PCNX2: variants seen among roughly 807,000 people sequenced by gnomAD.
PCNX2 encodes the protein pecanex-like protein 2.
Under a neutral mutation model 223.8 loss-of-function variants are expected in PCNX2, and 168 were observed. The observed-to-expected ratio is 0.75, with a 90% CI of 0.66 to 0.85. The LOEUF (loss-of-function observed/expected upper bound fraction) is 0.85. Ranked by LOEUF, PCNX2 falls within the 40% of genes least tolerant of loss-of-function variation. PCNX2 has a pLI of 0.00. For synonymous variants in PCNX2, 1,006 were observed against 1,052.6 expected (o/e 0.96, Z 0.86); for missense variants, 2,507 against 2,675.5 (o/e 0.94, Z 1.39).
At chr1:233,096,401 T>C (rs1674168265) in intron 21 of PCNX2, among the ~76,000 whole-genome samples, 1 of 152,122 alleles carries the variant, frequency 6.6e-6, no homozygotes, top group African/African-American at 2.4e-5. Context: ...TGGGAAGATA[T>C]GGAAAATACA....
rs921820280 is a variant in PCNX2 at position 232,991,748 on chromosome 1, C to A, written c.5792-5208G>T. Among the ~76,000 whole-genome samples, 1 of 152,124 alleles carries A rather than the reference C, an allele frequency of 6.6e-6. No homozygotes were observed. Among genetic ancestry groups the A allele is most frequent in the Non-Finnish European group, 1.5e-5 (1 of 68,020 alleles). On this transcript the variant is annotated intron_variant, in intron 32 of 33. Coordinates refer to ENST00000258229, the MANE Select transcript of PCNX2 (RefSeq NM_014801.4). The surrounding 1 kb of genome is among the most constrained non-coding windows in gnomAD (Gnocchi z 4.3). The stretch of plus-strand genomic sequence containing the variant: ...GATGCCTAAGATGGCCGGTGAACCA[C>A]CACAAGCTAGGGAAGGGTCCTGGAC...
chr1:233,278,598 T>C (rs1661029494), intron 1 of PCNX2, among the ~76,000 whole-genome samples: 1 of 152,156 alleles, frequency 6.6e-6, no homozygotes, highest in Non-Finnish European at 1.5e-5. Flanking sequence ...AGTGGAGATT[T>C]CTAGAAAGGT....
At chr1:233,234,989 A>T (rs1233127295) in intron 9 of PCNX2, among the ~76,000 whole-genome samples, 1 of 151,824 alleles carries the variant, frequency 6.6e-6, no homozygotes, top group African/African-American at 2.4e-5. Context: ...TCCGGTGGTC[A>T]GTGAGTGGCA....
At chr1:233,027,281 G>C (rs542034378) in intron 25 of PCNX2, among the ~76,000 whole-genome samples, 61 of 152,278 alleles carry the variant, frequency 4.0e-4, no homozygotes, top group Non-Finnish European at 2.2e-4. Context: ...GGAATGGTGG[G>C]GGAGGGGTAG....
chr1:233,269,717 T>C (rs529171635), intron 1 of PCNX2, among the ~76,000 whole-genome samples: 1 of 152,340 alleles, frequency 6.6e-6, no homozygotes, highest in East Asian at 1.9e-4. Context: ...AAATGAAGCA[T>C]TAATCTGCCA....
intron 25 of PCNX2, among the ~76,000 whole-genome samples, chr1:233,038,716 A>G (rs1671542212): frequency 6.6e-6 from 1 of 152,218 alleles, no homozygotes; most frequent in African/African-American, 2.4e-5. Context: ...AAAATTCTAG[A>G]TAACTCCAAG....
chr1:233,315,679 C>T, the PCNX2 span, among the ~76,000 whole-genome samples: 1 of 152,018 alleles, frequency 6.6e-6, no homozygotes. Context: ...AGTAAATTTG[C>T]GCAGGGAAAG....
At chr1:233,031,958 G>A in intron 25 of PCNX2, 1 of 985,264 alleles carries the variant, frequency 1.0e-6, no homozygotes, top group Middle Eastern at 5.2e-4. Context: ...GGGACCCTTG[G>A]ATTGCAAACC....
At chr1:233,103,433 T>A (rs968303337) in intron 21 of PCNX2, among the ~76,000 whole-genome samples, 1 of 152,150 alleles carries the variant, frequency 6.6e-6, no homozygotes, top group East Asian at 1.9e-4. Context: ...AATGTGCCCT[T>A]AATACCCCCA....
intron 13 of PCNX2, among the ~76,000 whole-genome samples, chr1:233,208,173 G>A (rs1681594002): frequency 2.0e-5 from 3 of 152,106 alleles, no homozygotes. Flanking sequence ...TGGCCAGGCT[G>A]GTCTTGAAAT....
At chr1:232,987,894 C>A (rs1478047407) in intron 32 of PCNX2, among the ~76,000 whole-genome samples, 1 of 152,182 alleles carries the variant, frequency 6.6e-6, no homozygotes, top group African/African-American at 2.4e-5. Context: ...CTTTCTCCTG[C>A]CCGTGTGTTG....
intron 7 of PCNX2, among the ~76,000 whole-genome samples, chr1:233,251,915 G>A (rs752552561): frequency 6.6e-6 from 1 of 152,256 alleles, no homozygotes; most frequent in Non-Finnish European, 1.5e-5. Flanking sequence ...AAGGTCAGGT[G>A]TGCAACACAG....
the PCNX2 span, among the ~76,000 whole-genome samples, chr1:233,306,917 A>C: frequency 2.6e-5 from 4 of 152,194 alleles, no homozygotes; most frequent in Non-Finnish European, 5.9e-5. Flanking sequence ...CTGTGTATAT[A>C]TGTTTCATGC....
At position 233,131,942 on chromosome 1, in the gene PCNX2, C is replaced by CTT. The variant is rs11387690; in HGVS notation, c.3837+3069_3837+3070dup. On this transcript the variant is annotated intron_variant, in intron 21 of 33. Transcript: ENST00000258229. ...AGCTTTTGTGGATTTCGTTTTAGAT[C>CTT]TTTTTTTTTTTTGAGATGGAGTCTC... Among the ~76,000 whole-genome samples, 131 of 146,994 alleles carry CTT rather than the reference C, an allele frequency of 8.9e-4. 1 individual carries two copies. Among genetic ancestry groups the CTT allele is most frequent in the Middle Eastern group, 3.5e-3 (1 of 288 alleles).
At chr1:233,084,954 A>C (rs1673527688) in intron 23 of PCNX2, among the ~76,000 whole-genome samples, 1 of 152,232 alleles carries the variant, frequency 6.6e-6, no homozygotes, top group African/African-American at 2.4e-5. Context: ...TCAGTCTAGC[A>C]GTGAGTGTTC....
chr1:233,312,914 G>T, the PCNX2 span, among the ~76,000 whole-genome samples: 1 of 149,790 alleles, frequency 6.7e-6, no homozygotes, highest in African/African-American at 2.5e-5. Context: ...AAATGTAACC[G>T]AAAGAAAAAA....
intron 19 of PCNX2, among the ~76,000 whole-genome samples, chr1:233,145,793 A>G (rs1677412272): frequency 6.6e-6 from 1 of 152,178 alleles, no homozygotes. Flanking sequence ...AAAATTCTTT[A>G]TAAGCCATGC....
At chr1:233,048,656 A>T (rs983198042) in intron 25 of PCNX2, among the ~76,000 whole-genome samples, 2 of 152,188 alleles carry the variant, frequency 1.3e-5, no homozygotes, top group African/African-American at 4.8e-5. Context: ...AAGAACTGAA[A>T]TCAGAGCAGA....
chr1:233,241,382 C>T, intron 8 of PCNX2: 1 of 985,402 alleles, frequency 1.0e-6, no homozygotes, highest in Non-Finnish European at 1.2e-6. Context: ...CTAGAATCAA[C>T]CTCACAAACC....
Sources: allele counts gnomAD v4.1 joint callset (sites outside exome capture counted in the v4.1 genomes callset), GRCh38; gene constraint gnomAD v4.1.1; non-coding constraint Gnocchi (gnomAD v3.1); transcripts MANE v1.5; gene names NCBI Gene and HGNC (gene_info 2026-07-23, HGNC 2026-07-21).